The following HYKK variants were observed in gnomAD, a reference collection of about 807,000 sequenced individuals.
The protein encoded by HYKK is 5-hydroxy-L-lysine kinase.
In HYKK, 19 loss-of-function variants were observed where a neutral mutation model predicts 29.7. The observed-to-expected ratio is 0.64, with a 90% CI of 0.45 to 0.94. The LOEUF is 0.94. HYKK is among the 40% of genes least tolerant of loss of function. The pLI is 0.00. For missense variants in HYKK, 390 were observed against 443.4 expected, an observed-to-expected ratio of 0.88 and a Z score of 1.08; for synonymous variants, 152 against 158.1, an observed-to-expected ratio of 0.96 and a Z score of 0.29.
rs771785633 is a variant in HYKK, at chr15:78,527,512, A to G, written c.610A>G (p.Ile204Val). 1 of 1,614,160 alleles carries G rather than the reference A, an allele frequency of 6.2e-7. No individual in the cohort carries two copies. Among genetic ancestry groups the G allele is most frequent in the South Asian group, 1.1e-5 (1 of 91,086 alleles). Residue 204 changes from isoleucine to valine, a missense_variant, in exon 4 of 5, where the codon ATT (isoleucine) becomes GTT (valine). Physicochemically the swap from Ile to Val is conservative, Grantham distance 29. Transcript: ENST00000388988. ...AAACCGAGAGATTGTTGAGCATGTC[A>G]TTCATCTGTTCAAGGAGGAAGTAAT... Reference protein sequence around the residue: ...NRNREIVEHVIHLFKEEVMTK... With the variant: ...NRNREIVEHVVHLFKEEVMTK...
intron 4 of HYKK, chr15:78,528,540 C>T (rs904660919): frequency 6.8e-5 from 67 of 981,408 alleles, no homozygotes; most frequent in Admixed American, 3.7e-4. Flanking sequence ...TGGTGGCTCC[C>T]GCCTGTAATC....
At chr15:78,518,456 T>C (rs991660193) in intron 3 of HYKK, 6 of 363,674 alleles carry the variant, frequency 1.6e-5, no homozygotes, top group African/African-American at 8.6e-5. Flanking sequence ...ATTATAGGTG[T>C]GAGCCACCAC....
At chr15:78,527,136 A>AG (rs766057592) in intron 3 of HYKK, among the ~76,000 whole-genome samples, 1 of 151,378 alleles carries the variant, frequency 6.6e-6, no homozygotes, top group Non-Finnish European at 1.5e-5. Flanking sequence ...AAAAAAAAAA[A>AG]TTAACCAAGC....
intron 4 of HYKK, among the ~76,000 whole-genome samples, chr15:78,529,389 T>A (rs2052289348): frequency 6.6e-6 from 1 of 152,238 alleles, no homozygotes; most frequent in Non-Finnish European, 1.5e-5. Context: ...AGTATACATG[T>A]TCATTAGTCT....
chr15:78,509,907 G>C (rs1218329660), intron 1 of HYKK, among the ~76,000 whole-genome samples: 5 of 152,186 alleles, frequency 3.3e-5, no homozygotes, highest in African/African-American at 1.2e-4. Flanking sequence ...TGTCAAGAAG[G>C]CATTAACTTG....
intron 3 of HYKK, among the ~76,000 whole-genome samples, chr15:78,519,586 C>T (rs571566021): frequency 5.9e-4 from 89 of 152,100 alleles, no homozygotes; most frequent in African/African-American, 1.8e-3. Context: ...ATAATGAAAC[C>T]CCATCTCTAC....
downstream of HYKK, chr15:78,536,768 G>C (rs981994115): frequency 1.3e-5 from 2 of 152,200 alleles, no homozygotes; most frequent in Admixed American, 1.3e-4. Flanking sequence ...ACAGAGATAG[G>C]TAGTAAAGCG....
At chr15:78,522,856 G>GC (rs2052212238) in intron 3 of HYKK, among the ~76,000 whole-genome samples, 1 of 152,032 alleles carries the variant, frequency 6.6e-6, no homozygotes, top group Non-Finnish European at 1.5e-5. Flanking sequence ...TCCAGCCTGG[G>GC]CAACAGAGTG....
chr15:78,524,056 C>T (rs1197552804), intron 3 of HYKK, among the ~76,000 whole-genome samples: 2 of 152,200 alleles, frequency 1.3e-5, no homozygotes, highest in African/African-American at 4.8e-5. Context: ...AGGATGGTGG[C>T]CCTCTTCTCA....
intron 3 of HYKK, among the ~76,000 whole-genome samples, chr15:78,526,508 T>C (rs2052256489): frequency 6.6e-6 from 1 of 152,144 alleles, no homozygotes; most frequent in Non-Finnish European, 1.5e-5. Context: ...GCACTAACCA[T>C]GTGGATATCT....
At position 78,513,207 on chromosome 15, in the gene HYKK, TTCC is replaced by T; in HGVS notation, c.121_123del (p.Pro41del). 1.2e-6 allele frequency: 2 copies of T among 1,614,182 alleles called. No individual in the cohort carries two copies. Among genetic ancestry groups the T allele is most frequent in the Non-Finnish European group, 1.7e-6 (2 of 1,180,020 alleles). On this transcript the variant is annotated inframe_deletion, in exon 2 of 5. Transcript: ENST00000388988. Reference sequence around the variant, plus strand: ...TTGAAAGTTTCCAAGGTCCGGCCACTTCCTAGCTATGATGACCAAAACTTTCAT... The same window carrying T: ...TTGAAAGTTTCCAAGGTCCGGCCACTTAGCTATGATGACCAAAACTTTCAT...
chr15:78,518,285 T>G (rs953431843), intron 3 of HYKK, among the ~76,000 whole-genome samples: 3 of 152,172 alleles, frequency 2.0e-5, no homozygotes, highest in Admixed American at 1.3e-4. Context: ...CCTCCCAGGC[T>G]CAAGGGATTC....
intron 3 of HYKK, among the ~76,000 whole-genome samples, chr15:78,521,883 G>A (rs541931345): frequency 1.7e-4 from 26 of 152,106 alleles, no homozygotes; most frequent in South Asian, 6.2e-4. Context: ...TGGGTCAATC[G>A]TGCCATCATT....
chr15:78,521,982 CTTT>C (rs781592743), intron 3 of HYKK, among the ~76,000 whole-genome samples: 4 of 140,778 alleles, frequency 2.8e-5, no homozygotes, highest in East Asian at 2.0e-4. Context: ...CTTTCTTCTT[CTTT>C]TTTTTTTTTT....
At chr15:78,530,862 T>TTTTG (rs567172730) in intron 4 of HYKK, among the ~76,000 whole-genome samples, 1 of 151,830 alleles carries the variant, frequency 6.6e-6, no homozygotes, top group Non-Finnish European at 1.5e-5. Context: ...TTTTGGTTTT[T>TTTTG]TTTGTTTGTT....
At position 78,525,656 on chromosome 15, in the gene HYKK, C is replaced by T. The variant is rs559143852; in HGVS notation, c.478-1724C>T. ...GGGACTACAGGCACCCACCACCATG[C>T]CTGGCTAATTTTGTGTATTTTTAGT... is the stretch of plus-strand genomic sequence containing the variant. On this transcript the variant is annotated intron_variant, in intron 3 of 4. Transcript: ENST00000388988. Among the ~76,000 whole-genome samples, 8 of 152,138 alleles carry T rather than the reference C, an allele frequency of 5.3e-5. No individual in the cohort carries two copies. The South Asian group carries it at 1.7e-3, about 32-fold the overall frequency.
intron 4 of HYKK, among the ~76,000 whole-genome samples, chr15:78,529,408 A>T (rs937567936): frequency 6.6e-6 from 1 of 152,226 alleles, no homozygotes; most frequent in African/African-American, 2.4e-5. Context: ...CTTTGAGTGT[A>T]TACCTTGCGA....
At chr15:78,520,664 C>T (rs1483721048) in intron 3 of HYKK, among the ~76,000 whole-genome samples, 2 of 152,300 alleles carry the variant, frequency 1.3e-5, no homozygotes, top group East Asian at 1.9e-4. Context: ...GGCAACCATC[C>T]GATTTCTCAA....
chr15:78,533,581 T>A lies in HYKK; in HGVS notation c.1033T>A (p.Leu345Ile). ...MVTAKTGWKH[L>I]QQMFDMGQKA... ...TACTGCAAAAACCGGGTGGAAACAC[T>A]TACAGCAAATGTTTGACATGGGTCA... Residue 345 changes from leucine to isoleucine, a missense_variant, in exon 5 of 5, where the codon TTA becomes ATA. Coordinates refer to ENST00000388988, the MANE Select transcript of HYKK (RefSeq NM_001013619.4). 1.9e-6 allele frequency: 3 copies of A among 1,608,516 alleles called. No individual in the cohort carries two copies. The highest frequency in any genetic ancestry group is 2.5e-6 in the Non-Finnish European group (3 of 1,176,880).
Sources: gnomAD v4.1 joint callset for allele counts (sites outside exome capture counted in the v4.1 genomes callset) on GRCh38, gnomAD v4.1.1 for gene constraint, MANE v1.5 for transcripts, NCBI Gene and HGNC (gene_info 2026-07-23, HGNC 2026-07-21) for gene names.